Variants in PIK3C2A observed in about 807,000 individuals in gnomAD.
PIK3C2A encodes the protein phosphatidylinositol-4-phosphate 3-kinase catalytic subunit type 2 alpha.
Under a neutral mutation model 204.5 loss-of-function variants are expected in PIK3C2A, and 97 were observed. That is an observed-to-expected ratio of 0.47 (90% CI 0.40 to 0.56). The LOEUF (loss-of-function observed/expected upper bound fraction) is 0.56. PIK3C2A is among the 20% of genes least tolerant of loss of function. The probability of loss-of-function intolerance (pLI) is 0.00; values close to 1 mark genes in which losing one functional copy is unlikely to be tolerated. For missense variants in PIK3C2A, 1,735 were observed against 1,969.2 expected (o/e 0.88, Z 2.25); for synonymous variants, 653 against 664.4 (o/e 0.98, Z 0.26).
In PIK3C2A at chr11:17,089,562, G is replaced by A. The variant is rs1185968832; in HGVS notation, c.*176C>T. On this transcript the variant is annotated 3_prime_UTR_variant, in exon 33 of 33. Coordinates refer to ENST00000691414, the MANE Select transcript of PIK3C2A (RefSeq NM_002645.4). ...ATTCAAAAAGGTTAGTTATGTGACT[G>A]TTGGTCCAACAGATGTGTTGAAATG... 3 of 520,554 alleles carry A rather than the reference G, an allele frequency of 5.8e-6. No homozygotes were observed. In the African/African-American group the frequency reaches 5.8e-5, roughly 10 times the overall value. 32.2% of individuals were successfully genotyped at this position (520,554 alleles called of 1,614,324 possible).
intron 1 of PIK3C2A, among the ~76,000 whole-genome samples, chr11:17,173,629 A>C (rs1004424811): frequency 2.0e-5 from 3 of 152,234 alleles, no homozygotes; most frequent in East Asian, 3.8e-4. Context: ...AGTTTCTGCC[A>C]TAACAAAAAA....
At chr11:17,121,611 C>T (rs1268342454) in intron 15 of PIK3C2A, among the ~76,000 whole-genome samples, 1 of 152,078 alleles carries the variant, frequency 6.6e-6, no homozygotes, top group African/African-American at 2.4e-5. Context: ...TAGTATAATT[C>T]CCATTTTATG....
In PIK3C2A at chr11:17,175,767, A is replaced by G. The variant is rs532101976; in HGVS notation, c.-65-5961T>C. On this transcript the variant is annotated intron_variant, in intron 1 of 32. Transcript: ENST00000691414. ...ATCCCAAAACAGAAGAATTAATTTA[A>G]AAGTTCTTGGCTTCTTCTGTGTTAG... Among the ~76,000 whole-genome samples the G allele has an allele frequency of 2.6e-5, 4 of 152,328 alleles. No homozygotes were observed. In the East Asian group the frequency reaches 7.7e-4, roughly 29 times the overall value.
chr11:17,137,742 T>C (rs1347977377), intron 8 of PIK3C2A, among the ~76,000 whole-genome samples: 1 of 152,126 alleles, frequency 6.6e-6, no homozygotes, highest in African/African-American at 2.4e-5. Context: ...TATCAATTTA[T>C]TGTCTATCAG....
At chr11:17,145,788 T>C in intron 7 of PIK3C2A, 57 bp from the exon 8 acceptor site, 1 of 1,553,998 alleles carries the variant, frequency 6.4e-7, no homozygotes, top group South Asian at 1.1e-5. Context: ...ATGATTGTTT[T>C]CATCACCAAA....
intron 13 of PIK3C2A, among the ~76,000 whole-genome samples, chr11:17,125,463 A>C (rs1449421719): frequency 6.6e-6 from 1 of 152,124 alleles, no homozygotes; most frequent in Admixed American, 6.5e-5. Flanking sequence ...ATGGGTTGCA[A>C]AATTATAATA....
intron 1 of PIK3C2A, among the ~76,000 whole-genome samples, chr11:17,176,512 A>G (rs1031862844): frequency 2.6e-5 from 4 of 152,046 alleles, no homozygotes; most frequent in Non-Finnish European, 4.4e-5. Context: ...TGAGTATGGC[A>G]GCTCAGGCCT....
chr11:17,102,909 T>G lies in PIK3C2A; in HGVS notation c.3682-78A>C, dbSNP rs541249144. On this transcript the variant is annotated intron_variant, in intron 23 of 32. Coordinates refer to ENST00000691414, the MANE Select transcript of PIK3C2A (RefSeq NM_002645.4). ...CAGAGTTTATAAATAGTAAAGTAAT[T>G]TATCACTCTTTAAAAACACTATTGT... 5.7e-6 allele frequency: 5 copies of G among 876,228 alleles called. No homozygotes were observed. The South Asian group carries it at 8.9e-5, about 16-fold the overall frequency. 54.3% of individuals were successfully genotyped at this position (876,228 alleles called of 1,614,324 possible).
intron 1 of PIK3C2A, among the ~76,000 whole-genome samples, chr11:17,196,615 C>T (rs138114382): frequency 0.034 from 5,214 of 152,022 alleles, 260 homozygotes; most frequent in African/African-American, 0.11. Context: ...TGTCACCCAG[C>T]CTGGAGTGCA....
rs550079747 is a variant in PIK3C2A, at chr11:17,171,415, G to A, written c.-65-1609C>T. 5.3e-5 allele frequency among the ~76,000 whole-genome samples: 8 copies of A among 152,020 alleles called. No homozygotes were observed. In the South Asian group the frequency reaches 6.2e-4, roughly 12 times the overall value. On this transcript the variant is annotated intron_variant, in intron 1 of 32. Transcript: ENST00000691414. ...TCTACCGTATATGCTCAATATATACGTGAGACAAGGAGGTAGGGAAAAACC... is the reference window on the plus strand; with the variant it reads ...TCTACCGTATATGCTCAATATATACATGAGACAAGGAGGTAGGGAAAAACC...
In PIK3C2A at chr11:17,131,918, T is replaced by G. The variant is rs767397088; in HGVS notation, c.2229A>C (p.Glu743Asp). 5.0e-6 allele frequency: 8 copies of G among 1,601,222 alleles called. No individual in the cohort carries two copies. In the South Asian group the frequency reaches 9.1e-5, roughly 18 times the overall value. The part of the protein sequence containing the change: ...KNFFYLIKWD[E>D]LIIFPIQISQ... Reference sequence around the variant, plus strand: ...AAAAAGCCAGAAATTTCACTTACAGTTCATCCCATTTAATAAGATAGAAGA... The same window carrying G: ...AAAAAGCCAGAAATTTCACTTACAGGTCATCCCATTTAATAAGATAGAAGA... The change falls in exon 12 of 33, where the codon GAA becomes GAC. Residue 743 changes from glutamate to aspartate, a missense_variant and splice_region_variant. Around this residue, in one of 6 missense-constraint regions of PIK3C2A, gnomAD observed 567 missense variants for 576.0 expected, o/e 0.98. Coordinates refer to ENST00000691414, the MANE Select transcript of PIK3C2A (RefSeq NM_002645.4).
At position 17,112,632 on chromosome 11, in the gene PIK3C2A, AG is replaced by A; in HGVS notation, c.3355del (p.Leu1119Ter). On this transcript the variant is annotated frameshift_variant, in exon 21 of 33. Transcript: ENST00000691414. LOFTEE classifies it high-confidence loss of function. ...CSFFSSNAVP[L>X]KVTMVNADPM... ...GTCAGCATTCACCATTGTGACTTTT[AG>A]GGGGACAGCATTAGAACTGAAGAAG... The A allele has an allele frequency of 6.4e-7, 1 of 1,553,308 alleles. No individual in the cohort carries two copies. The highest frequency in any genetic ancestry group is 8.7e-7 in the Non-Finnish European group (1 of 1,143,656).
chr11:17,102,619 C>A, intron 24 of PIK3C2A, 43 bp downstream of exon 24: 1 of 1,480,062 alleles, frequency 6.8e-7, no homozygotes, highest in Non-Finnish European at 9.2e-7. Context: ...ATTTGTGAAA[C>A]AGGAAGTGCC....
At chr11:17,091,290 A>G (rs1352147653) in intron 32 of PIK3C2A, 44 bp downstream of exon 32, 5 of 1,556,916 alleles carry the variant, frequency 3.2e-6, no homozygotes, top group Non-Finnish European at 4.4e-6. Context: ...GAAAATTAAA[A>G]AAATAATAAA....
rs560280992 is a variant in PIK3C2A at position 17,101,863 on chromosome 11, A to G, written c.3852-429T>C. ...TGTGATCCGCCCGCCTTGGCCTCCC[A>G]AAGTGCTGGGATTACAGGCGTGAGC... is the stretch of plus-strand genomic sequence containing the variant. On this transcript the variant is annotated intron_variant, in intron 24 of 32. Coordinates refer to ENST00000691414, the MANE Select transcript of PIK3C2A (RefSeq NM_002645.4). Among the ~76,000 whole-genome samples the G allele has an allele frequency of 4.6e-5, 7 of 152,034 alleles. No individual in the cohort carries two copies. In the South Asian group the frequency reaches 1.0e-3, roughly 23 times the overall value.
chr11:17,141,699 T>C (rs1850069934), intron 8 of PIK3C2A, among the ~76,000 whole-genome samples: 1 of 152,186 alleles, frequency 6.6e-6, no homozygotes, highest in South Asian at 2.1e-4. Flanking sequence ...TCACATTACA[T>C]TTAGTGACTT....
At chr11:17,092,651 G>A (rs2137262653) in intron 28 of PIK3C2A, among the ~76,000 whole-genome samples, 1 of 152,312 alleles carries the variant, frequency 6.6e-6, no homozygotes, top group South Asian at 2.1e-4. Flanking sequence ...CTGGGTGACA[G>A]AGCAAGTCTC....
chr11:17,180,751 GGCAGAGGTT>G (rs1277138907), intron 1 of PIK3C2A, among the ~76,000 whole-genome samples: 1 of 152,154 alleles, frequency 6.6e-6, no homozygotes, highest in Non-Finnish European at 1.5e-5. Context: ...GAACCCGGGA[GGCAGAGGTT>G]GCAGTGAGCC....
chr11:17,164,646 A>G (rs927040477), intron 2 of PIK3C2A, among the ~76,000 whole-genome samples: 8 of 152,178 alleles, frequency 5.3e-5, no homozygotes, highest in African/African-American at 1.9e-4. Flanking sequence ...TTTCTGACTC[A>G]TATCTCTCAT....
Sources: allele counts gnomAD v4.1 joint callset (sites outside exome capture counted in the v4.1 genomes callset), GRCh38; gene constraint gnomAD v4.1.1; regional missense constraint gnomAD v4.1.1; transcripts MANE v1.5; gene names NCBI Gene and HGNC (gene_info 2026-07-23, HGNC 2026-07-21).